Variants in USP30 observed in about 807,000 individuals in gnomAD.
USP30 encodes ubiquitin carboxyl-terminal hydrolase 30.
USP30 carries 41 observed loss-of-function variants against 68.2 expected under a neutral mutation model. That is an observed-to-expected ratio of 0.60 (90% CI 0.47 to 0.78). USP30 has a LOEUF of 0.78. USP30 is among the 30% of genes least tolerant of loss of function. USP30 has a pLI of 0.00. For missense variants in USP30, 522 were observed against 649.4 expected, an observed-to-expected ratio of 0.80 and a Z score of 2.13; for synonymous variants, 229 against 253.7, an observed-to-expected ratio of 0.90 and a Z score of 0.93.
intron 3 of USP30, among the ~76,000 whole-genome samples, chr12:109,030,778 G>A (rs1478401526): frequency 6.6e-6 from 1 of 152,112 alleles, no homozygotes; most frequent in Non-Finnish European, 1.5e-5. Flanking sequence ...ACCACGCCTG[G>A]CCAATTTTTG....
intron 3 of USP30, among the ~76,000 whole-genome samples, chr12:109,039,830 C>T (rs1047670202): frequency 4.6e-5 from 7 of 152,108 alleles, no homozygotes; most frequent in Admixed American, 2.0e-4. Context: ...AGGATGATCT[C>T]GATCTCTTGA....
chr12:109,051,477 C>T (rs888394815), upstream of USP30, among the ~76,000 whole-genome samples: 31 of 147,900 alleles, frequency 2.1e-4, no homozygotes, highest in Admixed American at 6.1e-4. Context: ...ATGCTGGTCT[C>T]GAACTCCTGA....
intron 2 of USP30, 125 bp downstream of exon 2, chr12:109,056,916 C>A (rs2040895091): frequency 1.7e-6 from 1 of 580,944 alleles, no homozygotes; most frequent in African/African-American, 1.9e-5. Flanking sequence ...ATTAGGATTT[C>A]AGGTTTTCAA....
chr12:109,061,851 G>A (rs1275758988), intron 3 of USP30, among the ~76,000 whole-genome samples: 1 of 152,162 alleles, frequency 6.6e-6, no homozygotes, highest in African/African-American at 2.4e-5. Context: ...GAAGCTATAG[G>A]TGAATCCTTC....
chr12:109,053,115 T>G, intron 1 of USP30: 1 of 197,038 alleles, frequency 5.1e-6, no homozygotes, highest in Non-Finnish European at 1.0e-5. Flanking sequence ...TCAATCCTTC[T>G]AGTATACCCC....
At chr12:109,033,813 G>C (rs1259220175) in intron 3 of USP30, among the ~76,000 whole-genome samples, 3 of 152,054 alleles carry the variant, frequency 2.0e-5, no homozygotes, top group Non-Finnish European at 4.4e-5. Context: ...TTAAGCCCTT[G>C]TTAAATAATG....
At chr12:109,043,433 T>C (rs1358227747) in intron 3 of USP30, among the ~76,000 whole-genome samples, 2 of 152,214 alleles carry the variant, frequency 1.3e-5, no homozygotes, top group Non-Finnish European at 1.5e-5. Flanking sequence ...CTCTGGTATA[T>C]GGTCAAAATG....
chr12:109,057,042 A>G (rs949138262), intron 2 of USP30, among the ~76,000 whole-genome samples: 1 of 152,168 alleles, frequency 6.6e-6, no homozygotes, highest in Non-Finnish European at 1.5e-5. Context: ...GTCAAGCGGC[A>G]TAATTGTCTA....
chr12:109,071,722 A>C lies in USP30; in HGVS notation c.579+12A>C. 6.2e-7 allele frequency: 1 copy of C among 1,611,930 alleles called. No homozygotes were observed. On this transcript the variant is annotated intron_variant, in intron 5 of 12. Coordinates refer to ENST00000257548, the MANE Select transcript of USP30 (RefSeq NM_032663.5). Reference sequence around the variant, plus strand: ...TGCATTCCCTGGAGGTAAACCATTAATATTTCCAACACGTTCTGTGCAGCT... The same window carrying C: ...TGCATTCCCTGGAGGTAAACCATTACTATTTCCAACACGTTCTGTGCAGCT...
intron 4 of USP30, among the ~76,000 whole-genome samples, chr12:109,069,697 A>G (rs908803262): frequency 6.6e-6 from 1 of 152,164 alleles, no homozygotes; most frequent in African/African-American, 2.4e-5. Flanking sequence ...GCAGACAGTA[A>G]GCAGGGGATT....
chr12:109,052,665 C>T lies in USP30; in HGVS notation c.-14C>T. On this transcript the variant is annotated 5_prime_UTR_variant, in exon 1 of 13. Coordinates refer to ENST00000257548, the MANE Select transcript of USP30 (RefSeq NM_032663.5). ...TAGCGGAGGAGACGGTTTCAGGCCTCCGGTGCGGCTGCAATGCTGAGCTCC... is the reference window on the plus strand; with the variant it reads ...TAGCGGAGGAGACGGTTTCAGGCCTTCGGTGCGGCTGCAATGCTGAGCTCC... The T allele has an allele frequency of 6.7e-6, 10 of 1,501,476 alleles. No individual in the cohort carries two copies. The highest frequency in any genetic ancestry group is 8.8e-6 in the Non-Finnish European group (10 of 1,130,924). 93.0% of individuals were successfully genotyped at this position (1,501,476 alleles called of 1,614,324 possible).
At chr12:109,040,599 C>G (rs2040557610) in intron 3 of USP30, among the ~76,000 whole-genome samples, 1 of 152,090 alleles carries the variant, frequency 6.6e-6, no homozygotes, top group South Asian at 2.1e-4. Context: ...TTGGCTATGG[C>G]TGTGGTCTCA....
At chr12:109,060,696 T>G (rs951108187) in intron 3 of USP30, among the ~76,000 whole-genome samples, 1 of 152,122 alleles carries the variant, frequency 6.6e-6, no homozygotes, top group Non-Finnish European at 1.5e-5. Context: ...GTCTTGTCAC[T>G]CAGGCTGGAA....
intron 4 of USP30, 114 bp downstream of exon 4, chr12:109,067,741 C>A: frequency 1.2e-6 from 1 of 857,526 alleles, no homozygotes; most frequent in Admixed American, 2.4e-5. Flanking sequence ...TTTTAGACAA[C>A]TTTAGTGTTC....
At chr12:109,052,811 C>T (rs780601311) in intron 1 of USP30, 50 bp downstream of exon 1, 3 of 1,398,360 alleles carry the variant, frequency 2.1e-6, no homozygotes, top group Non-Finnish European at 2.8e-6. Flanking sequence ...CCAGGGTCCC[C>T]AGCTTGGGCC....
intron 3 of USP30, among the ~76,000 whole-genome samples, chr12:109,046,389 G>C (rs907026679): frequency 2.0e-5 from 3 of 150,458 alleles, no homozygotes; most frequent in East Asian, 4.0e-4. Context: ...CTGGGATTAC[G>C]GGCGTGAGCC....
intron 3 of USP30, among the ~76,000 whole-genome samples, chr12:109,066,742 A>T (rs2041266524): frequency 1.3e-5 from 2 of 152,280 alleles, no homozygotes; most frequent in South Asian, 4.1e-4. Context: ...ATATAGCTTG[A>T]TGCTTTGCCT....
chr12:109,075,876 G>A (rs2041589300), intron 7 of USP30, among the ~76,000 whole-genome samples: 1 of 136,650 alleles, frequency 7.3e-6, no homozygotes, highest in African/African-American at 2.7e-5. Context: ...GTCCATATGA[G>A]TTCCTTATAA....
chr12:109,056,555 T>A (rs147368791), intron 1 of USP30, 127 bp from the exon 2 acceptor site: 194 of 606,442 alleles, frequency 3.2e-4, no homozygotes, highest in African/African-American at 2.8e-3. Flanking sequence ...CCTATGACTA[T>A]ATGTTACTTT....
Sources: gnomAD v4.1 joint callset for allele counts (sites outside exome capture counted in the v4.1 genomes callset) on GRCh38, gnomAD v4.1.1 for gene constraint, MANE v1.5 for transcripts, NCBI Gene and HGNC (gene_info 2026-07-23, HGNC 2026-07-21) for gene names.